The following MAP3K13 variants were observed in gnomAD, a reference collection of about 807,000 sequenced individuals.
MAP3K13 encodes the protein leucine zipper-bearing kinase.
In MAP3K13, 52 loss-of-function variants were observed where a neutral mutation model predicts 104.0. The ratio of observed to expected loss-of-function variants is 0.50; its 90% CI spans 0.40 to 0.63. The LOEUF is 0.63. Ranked by LOEUF, MAP3K13 falls within the 20% of genes least tolerant of loss-of-function variation. The pLI, the probability that MAP3K13 is intolerant of heterozygous loss-of-function variation, is 0.00. For missense variants in MAP3K13, 914 were observed against 1,218.5 expected (o/e 0.75, Z 3.72); for synonymous variants, 394 against 442.2 (o/e 0.89, Z 1.37).
chr3:185,302,756 C>CAT (rs1363314982), intron 2 of MAP3K13, among the ~76,000 whole-genome samples: 1 of 152,114 alleles, frequency 6.6e-6, no homozygotes. Flanking sequence ...GGTTTTTCTA[C>CAT]ATATATAATC....
Position 185,428,682 on chromosome 3 carries a change from T to G in MAP3K13, c.101T>G (p.Met34Arg). 1 of 1,614,152 alleles carries G rather than the reference T, an allele frequency of 6.2e-7. No homozygotes were observed. The highest frequency in any genetic ancestry group is 1.1e-5 in the South Asian group (1 of 91,068). The change falls in exon 2 of 14, where the codon ATG becomes AGG. Residue 34 changes from methionine to arginine, a missense_variant. By Grantham distance (91) the Met-to-Arg change is moderately conservative. This residue lies in a region of MAP3K13 where 156 missense variants were observed against 159.8 expected (regional missense o/e 0.98). Coordinates refer to ENST00000265026, the MANE Select transcript of MAP3K13 (RefSeq NM_004721.5). Reference sequence around the variant, plus strand: ...GGACTACAAGATGAGCTCACAGCTATGGGGAACCACCCTTCTCCCAAGCTG... The same window carrying G: ...GGACTACAAGATGAGCTCACAGCTAGGGGGAACCACCCTTCTCCCAAGCTG... ...FNGLQDELTA[M>R]GNHPSPKLLE... is the part of the protein sequence containing the mutation.
intron 1 of MAP3K13, among the ~76,000 whole-genome samples, chr3:185,395,224 T>C (rs144387758): frequency 2.9e-3 from 437 of 152,108 alleles, no homozygotes; most frequent in Non-Finnish European, 4.9e-3. Context: ...TCTTTTTTCT[T>C]TCCACTATAC....
At chr3:185,471,125 G>A (rs1472164117) in intron 10 of MAP3K13, among the ~76,000 whole-genome samples, 2 of 152,136 alleles carry the variant, frequency 1.3e-5, no homozygotes, top group Admixed American at 6.5e-5. Flanking sequence ...ATGAGCAGGA[G>A]CATTGTTATG....
intron 3 of MAP3K13, among the ~76,000 whole-genome samples, chr3:185,442,909 G>A (rs1008798431): frequency 6.6e-5 from 10 of 151,904 alleles, no homozygotes; most frequent in Non-Finnish European, 1.3e-4. Flanking sequence ...GTGCAATCTC[G>A]GCTCACTGCA....
chr3:185,426,154 C>T (rs1458902205), intron 1 of MAP3K13, among the ~76,000 whole-genome samples: 1 of 152,140 alleles, frequency 6.6e-6, no homozygotes, highest in Non-Finnish European at 1.5e-5. Flanking sequence ...AATCTTGGCT[C>T]ACTGCAACCT....
At chr3:185,414,106 G>T (rs1411151589) in intron 1 of MAP3K13, among the ~76,000 whole-genome samples, 1 of 152,086 alleles carries the variant, frequency 6.6e-6, no homozygotes, top group Non-Finnish European at 1.5e-5. Flanking sequence ...TCCTGTCTTC[G>T]CCACTTAGTA....
chr3:185,300,336 G>A (rs1205098955), intron 2 of MAP3K13, among the ~76,000 whole-genome samples: 4 of 151,014 alleles, frequency 2.6e-5, no homozygotes, highest in African/African-American at 4.9e-5. Context: ...ACAGGCACCC[G>A]CCACCACGCC....
At chr3:185,359,706 T>A (rs1211384031), upstream of MAP3K13, among the ~76,000 whole-genome samples, 1 of 152,208 alleles carries the variant, frequency 6.6e-6, no homozygotes, top group Non-Finnish European at 1.5e-5. Context: ...TGAATATTCA[T>A]AACTAATAAG....
chr3:185,461,359 T>C (rs1405590990), intron 7 of MAP3K13, among the ~76,000 whole-genome samples: 1 of 152,222 alleles, frequency 6.6e-6, no homozygotes, highest in African/African-American at 2.4e-5. Flanking sequence ...TGTGGGAAAA[T>C]CTAGCATATT....
chr3:185,348,077 T>C (rs991902770), intron 2 of MAP3K13, among the ~76,000 whole-genome samples: 1 of 151,802 alleles, frequency 6.6e-6, no homozygotes, highest in Non-Finnish European at 1.5e-5. Flanking sequence ...AATTGGCGAC[T>C]ATTTTATACT....
rs949102263 is a variant in MAP3K13 at position 185,416,373 on chromosome 3, T to C, written c.-85-12124T>C. Among the ~76,000 whole-genome samples the C allele has an allele frequency of 2.6e-5, 4 of 152,092 alleles. No individual in the cohort carries two copies. In the South Asian group the frequency reaches 6.2e-4, roughly 24 times the overall value. On this transcript the variant is annotated intron_variant, in intron 1 of 13. Coordinates refer to ENST00000265026, the MANE Select transcript of MAP3K13 (RefSeq NM_004721.5). ...GTTAAAGATTTGCATAGCTAACAAA[T>C]ATTGAGGGTAAATGTGTTTTTTTAT... is the stretch of plus-strand genomic sequence containing the variant.
intron 7 of MAP3K13, among the ~76,000 whole-genome samples, chr3:185,454,304 T>G (rs1347413844): frequency 1.1e-5 from 1 of 91,934 alleles, no homozygotes; most frequent in African/African-American, 5.1e-5. Flanking sequence ...ATATATATCA[T>G]ATATATATGA....
At chr3:185,426,279 A>G (rs1262021942) in intron 1 of MAP3K13, among the ~76,000 whole-genome samples, 1 of 152,014 alleles carries the variant, frequency 6.6e-6, no homozygotes, top group East Asian at 1.9e-4. Context: ...ATGGGGTTTC[A>G]CCATGCTGGC....
At position 185,482,582 on chromosome 3, in the gene MAP3K13, C is replaced by A; in HGVS notation, c.*126C>A. On this transcript the variant is annotated 3_prime_UTR_variant, in exon 14 of 14. Coordinates refer to ENST00000265026, the MANE Select transcript of MAP3K13 (RefSeq NM_004721.5). This position sits in a 1 kb window ranked among gnomAD's most constrained non-coding sequence, Gnocchi z 4.5. ...AGAGAGACTACCCCATCTTTACCAC[C>A]CCCTAGAAATGAGCTGCAATAACAG... 1.5e-6 allele frequency: 1 copy of A among 651,250 alleles called. No homozygotes were observed. The allele number at this position is 651,250 out of a possible 1,614,324, so 40.3% of individuals were successfully genotyped here.
chr3:185,416,126 C>G (rs1713756443), intron 1 of MAP3K13, among the ~76,000 whole-genome samples: 1 of 152,090 alleles, frequency 6.6e-6, no homozygotes, highest in Admixed American at 6.6e-5. Flanking sequence ...TTTATTGATT[C>G]TTTGTGCTTT....
In MAP3K13 at chr3:185,419,625, A is replaced by G. The variant is rs114355180; in HGVS notation, c.-85-8872A>G. On this transcript the variant is annotated intron_variant, in intron 1 of 13. Transcript: ENST00000265026. ...AATTTTTATGCCTATTAATATTTAT[A>G]TATTTAAAGGTACATATATGTCTGT... Among the ~76,000 whole-genome samples the G allele has an allele frequency of 6.3e-3, 960 of 152,290 alleles. 13 individuals carry two copies. The highest frequency in any genetic ancestry group is 0.021 in the African/African-American group (878 of 41,576).
At chr3:185,386,216 G>GA (rs928894543) in intron 1 of MAP3K13, among the ~76,000 whole-genome samples, 75 of 151,268 alleles carry the variant, frequency 5.0e-4, no homozygotes, top group African/African-American at 1.5e-3. Flanking sequence ...AAATTTACAA[G>GA]AAAAAAAACA....
In MAP3K13 at chr3:185,484,450, G is replaced by A. The variant is rs940490326; in HGVS notation, c.*1994G>A. On this transcript the variant is annotated 3_prime_UTR_variant, in exon 14 of 14. Coordinates refer to ENST00000265026, the MANE Select transcript of MAP3K13 (RefSeq NM_004721.5). ...TCTTTGACACTGCATCATGTTGGAC[G>A]TTAGGAAATACTTGCACAGACAGCT... The A allele has an allele frequency of 3.9e-5, 6 of 152,146 alleles. No homozygotes were observed. The highest frequency in any genetic ancestry group is 1.3e-4 in the Admixed American group (2 of 15,282). The allele number at this position is 152,146 out of a possible 1,614,324, so 9.4% of individuals were successfully genotyped here.
Position 185,423,348 on chromosome 3 carries a change from G to A in MAP3K13, c.-85-5149G>A, listed in dbSNP as rs758816893. 3.3e-5 allele frequency among the ~76,000 whole-genome samples: 5 copies of A among 152,196 alleles called. No homozygotes were observed. Among genetic ancestry groups the A allele is most frequent in the East Asian group, 1.9e-4 (1 of 5,202 alleles). ...AGAGTCCTGGCAGCCAAGGCAGACC[G>A]GAAGTAACTGCTGAGTCACTGGCTA... is the stretch of plus-strand genomic sequence containing the variant. On this transcript the variant is annotated intron_variant, in intron 1 of 13. Transcript: ENST00000265026. The surrounding 1 kb of genome is among the most constrained non-coding windows in gnomAD (Gnocchi z 4.1).
Sources: gnomAD v4.1 joint callset for allele counts (sites outside exome capture counted in the v4.1 genomes callset) on GRCh38, gnomAD v4.1.1 for gene constraint, gnomAD v4.1.1 regional missense constraint, Gnocchi (gnomAD v3.1) non-coding constraint, MANE v1.5 for transcripts, NCBI Gene and HGNC (gene_info 2026-07-23, HGNC 2026-07-21) for gene names.